KCNH5: variants seen among roughly 807,000 people sequenced by gnomAD.
KCNH5 encodes voltage-gated delayed rectifier potassium channel KCNH5.
In KCNH5, 46 loss-of-function variants were observed where a neutral mutation model predicts 96.1. The ratio of observed to expected loss-of-function variants is 0.48; its 90% CI spans 0.38 to 0.61. The LOEUF (loss-of-function observed/expected upper bound fraction) is 0.61. Among genes scored for constraint, KCNH5 ranks in the 20% least tolerant of loss-of-function variants. KCNH5 has a pLI of 0.00. For missense variants in KCNH5, 907 were observed against 1,225.8 expected, an observed-to-expected ratio of 0.74 and a Z score of 3.88; for synonymous variants, 439 against 449.8, an observed-to-expected ratio of 0.98 and a Z score of 0.30.
At chr14:62,783,706 A>C (rs775232107) in intron 9 of KCNH5, among the ~76,000 whole-genome samples, 46 of 152,110 alleles carry the variant, frequency 3.0e-4, no homozygotes, top group Non-Finnish European at 4.6e-4. Context: ...TTTTTTTAAA[A>C]CCCTATATGT....
intron 8 of KCNH5, among the ~76,000 whole-genome samples, chr14:62,806,158 G>A (rs762142189): frequency 2.6e-5 from 4 of 152,090 alleles, no homozygotes; most frequent in Non-Finnish European, 5.9e-5. Context: ...TCATGGCAAC[G>A]TCAGAAAGTT....
chr14:62,860,637 C>G (rs1888014846), intron 7 of KCNH5, among the ~76,000 whole-genome samples: 1 of 152,150 alleles, frequency 6.6e-6, no homozygotes, highest in South Asian at 2.1e-4. Context: ...TCTTTAGAAG[C>G]CCCCAGCTAC....
chr14:63,044,787 A>G (rs1891891391), intron 1 of KCNH5, among the ~76,000 whole-genome samples: 1 of 152,214 alleles, frequency 6.6e-6, no homozygotes, highest in Non-Finnish European at 1.5e-5. Context: ...TGGGAGAAGG[A>G]AGAACAAGAA....
intron 7 of KCNH5, among the ~76,000 whole-genome samples, chr14:62,946,690 T>C (rs80157940): frequency 0.019 from 2,853 of 152,150 alleles, 96 homozygotes; most frequent in African/African-American, 0.065. Flanking sequence ...CTTCAATAGA[T>C]GGTGAGTTAA....
intron 10 of KCNH5, among the ~76,000 whole-genome samples, chr14:62,766,767 T>A (rs1885869993): frequency 6.6e-6 from 1 of 152,094 alleles, no homozygotes; most frequent in South Asian, 2.1e-4. Flanking sequence ...TAGTATTTGA[T>A]AGCACAAGGT....
chr14:62,849,787 T>C lies in KCNH5; in HGVS notation c.1435A>G (p.Asn479Asp). Residue 479 changes from asparagine (N) to aspartate (D), a missense_variant, in exon 8 of 11, where the codon AAC becomes GAC. This residue lies in a region of KCNH5 where 95 missense variants were observed against 111.8 expected (regional missense o/e 0.85). Transcript: ENST00000322893. The stretch of plus-strand genomic sequence containing the variant: ...TTATTCAGCATCTCATGGTATCGGT[T>C]GGTGTTGGCATACATTTGCTGGAAA... ...TIFQQMYANTNRYHEMLNNVR... is the reference protein window; with the variant it reads ...TIFQQMYANTDRYHEMLNNVR... 6.2e-7 allele frequency: 1 copy of C among 1,613,908 alleles called. No homozygotes were observed. Among genetic ancestry groups the C allele is most frequent in the South Asian group, 1.1e-5 (1 of 91,068 alleles).
chr14:62,912,256 T>G (rs1455013755), intron 7 of KCNH5, among the ~76,000 whole-genome samples: 2 of 152,210 alleles, frequency 1.3e-5, no homozygotes, highest in East Asian at 3.9e-4. Context: ...TTTTTCAAAT[T>G]TTTATTATAA....
chr14:62,964,998 A>G (rs1890278677), intron 6 of KCNH5, among the ~76,000 whole-genome samples: 2 of 152,224 alleles, frequency 1.3e-5, no homozygotes, highest in Admixed American at 6.5e-5. Flanking sequence ...TAACAGTTTT[A>G]TGAAGATAGG....
intron 1 of KCNH5, among the ~76,000 whole-genome samples, chr14:63,025,881 G>T (rs148003331): frequency 5.7e-4 from 87 of 151,782 alleles, no homozygotes; most frequent in African/African-American, 2.1e-3. Flanking sequence ...AGTTCATCTG[G>T]AACCACAAAA....
chr14:62,707,333 AATC>A lies in KCNH5; in HGVS notation c.*172_*174del. The stretch of plus-strand genomic sequence containing the variant: ...ATATACAAGCAATATCTATGTTTTT[AATC>A]ATCATCTTCTTTGGCAGGCCAGAAT... On this transcript the variant is annotated 3_prime_UTR_variant, in exon 11 of 11. Transcript: ENST00000322893. The A allele has an allele frequency of 2.8e-6, 1 of 360,138 alleles. No individual in the cohort carries two copies. Among genetic ancestry groups the A allele is most frequent in the Non-Finnish European group, 4.9e-6 (1 of 206,184 alleles). The allele number at this position is 360,138 out of a possible 1,614,324, so 22.3% of individuals were successfully genotyped here.
At chr14:62,835,383 T>C (rs961937181) in intron 8 of KCNH5, among the ~76,000 whole-genome samples, 2 of 152,074 alleles carry the variant, frequency 1.3e-5, no homozygotes, top group African/African-American at 2.4e-5. Context: ...ATTCTTAAAA[T>C]TGTAATGACC....
At chr14:62,838,735 C>T (rs1566677425) in intron 8 of KCNH5, among the ~76,000 whole-genome samples, 2 of 152,092 alleles carry the variant, frequency 1.3e-5, no homozygotes, top group Admixed American at 1.3e-4. Flanking sequence ...CCAAGTTTCC[C>T]TGTGTGTGAT....
In KCNH5 at chr14:62,829,392, C is replaced by T. The variant is rs919648393; in HGVS notation, c.1569+20261G>A. Among the ~76,000 whole-genome samples, 9 of 152,216 alleles carry T rather than the reference C, an allele frequency of 5.9e-5. No homozygotes were observed. In the East Asian group the frequency reaches 1.7e-3, roughly 29 times the overall value. ...GAGGTTCTCCCTAAGGGCTCCACCC[C>T]TGCAGCAGGCTTCTGCCTAGACATC... On this transcript the variant is annotated intron_variant, in intron 8 of 10. Coordinates refer to ENST00000322893, the MANE Select transcript of KCNH5 (RefSeq NM_139318.5).
At chr14:62,739,444 A>AT (rs11339640) in intron 10 of KCNH5, among the ~76,000 whole-genome samples, 4 of 151,934 alleles carry the variant, frequency 2.6e-5, no homozygotes, top group East Asian at 3.9e-4. Context: ...TATGCGAGAA[A>AT]TTTTTTTTTC....
intron 7 of KCNH5, among the ~76,000 whole-genome samples, chr14:62,883,813 G>C (rs1888540727): frequency 1.3e-5 from 2 of 151,696 alleles, no homozygotes; most frequent in Non-Finnish European, 2.9e-5. Context: ...ATAAGAAGTG[G>C]CTCACAATAG....
chr14:62,864,689 C>G (rs1888099988), intron 7 of KCNH5, among the ~76,000 whole-genome samples: 1 of 152,180 alleles, frequency 6.6e-6, no homozygotes, highest in Non-Finnish European at 1.5e-5. Flanking sequence ...ATTAATGTTG[C>G]ATATTAATTC....
At chr14:62,909,062 T>G in intron 7 of KCNH5, among the ~76,000 whole-genome samples, 1 of 60,958 alleles carries the variant, frequency 1.6e-5, no homozygotes, top group East Asian at 8.4e-4. Flanking sequence ...TTTTTTTTTT[T>G]TGAGACGGAA....
intron 1 of KCNH5, among the ~76,000 whole-genome samples, chr14:63,022,609 T>C (rs1891449796): frequency 1.3e-5 from 2 of 152,142 alleles, no homozygotes; most frequent in South Asian, 4.1e-4. Context: ...CTCTGACCCT[T>C]GCCCACGATA....
intron 10 of KCNH5, among the ~76,000 whole-genome samples, chr14:62,766,354 A>G (rs1885860762): frequency 1.3e-5 from 2 of 152,166 alleles, no homozygotes; most frequent in South Asian, 2.1e-4. Context: ...GGAAATCAGT[A>G]TATCAAAGAG....
Sources: gnomAD v4.1 joint callset for allele counts (sites outside exome capture counted in the v4.1 genomes callset) on GRCh38, gnomAD v4.1.1 for gene constraint, gnomAD v4.1.1 regional missense constraint, MANE v1.5 for transcripts, NCBI Gene and HGNC (gene_info 2026-07-23, HGNC 2026-07-21) for gene names.